The following SHLD2 variants were observed in gnomAD, a reference collection of about 807,000 sequenced individuals.
SHLD2 encodes the protein shieldin complex subunit 2, also known as RINN1-REV7-interacting novel NHEJ regulator 2.
In SHLD2, 30 loss-of-function variants were observed where a neutral mutation model predicts 73.2. The ratio of observed to expected loss-of-function variants is 0.41; its 90% CI spans 0.31 to 0.56. The LOEUF (loss-of-function observed/expected upper bound fraction) is 0.56, where lower values mean the gene tolerates loss of function less well. Ranked by LOEUF, SHLD2 falls within the 20% of genes least tolerant of loss-of-function variation. The pLI is 0.28. For synonymous variants in SHLD2, 285 were observed against 370.1 expected (o/e 0.77, Z 2.64); for missense variants, 745 against 1,055.9 (o/e 0.71, Z 4.08).
rs550800970 is a variant in SHLD2 at position 87,131,659 on chromosome 10, G to A, written c.-5-19691G>A. 3.3e-5 allele frequency among the ~76,000 whole-genome samples: 5 copies of A among 152,174 alleles called. No individual in the cohort carries two copies. The East Asian group carries it at 9.6e-4, about 29-fold the overall frequency. On this transcript the variant is annotated intron_variant, in intron 2 of 9. Transcript: ENST00000298786. ...CTGCTTTTTCTGGCTATTGTAAATA[G>A]TGCTGTTATGAACACTGATGTACAA...
At chr10:87,115,165 T>C (rs1040090410) in intron 2 of SHLD2, among the ~76,000 whole-genome samples, 10 of 152,142 alleles carry the variant, frequency 6.6e-5, no homozygotes, top group Non-Finnish European at 1.2e-4. Flanking sequence ...TTCTCCTACC[T>C]CAGCCTCCAG....
chr10:87,146,331 T>C (rs1845606284), intron 2 of SHLD2, among the ~76,000 whole-genome samples: 1 of 152,102 alleles, frequency 6.6e-6, no homozygotes. Flanking sequence ...TCTCGCTCTG[T>C]TGTCCAGGCT....
At chr10:87,153,700 A>G (rs1846176881) in intron 3 of SHLD2, among the ~76,000 whole-genome samples, 2 of 152,202 alleles carry the variant, frequency 1.3e-5, no homozygotes, top group Admixed American at 1.3e-4. Flanking sequence ...TTTTACATGC[A>G]TATTTCATTA....
At chr10:87,150,705 A>C (rs1845950687) in intron 2 of SHLD2, among the ~76,000 whole-genome samples, 1 of 149,016 alleles carries the variant, frequency 6.7e-6, no homozygotes, top group Admixed American at 6.7e-5. Context: ...CGTTGCAGTG[A>C]GCCTAGATGG....
At chr10:87,140,632 ACT>A (rs1845127525) in intron 2 of SHLD2, among the ~76,000 whole-genome samples, 1 of 151,398 alleles carries the variant, frequency 6.6e-6, no homozygotes, top group East Asian at 1.9e-4. Context: ...GATCCAAGAA[ACT>A]CAGTGAACTC....
At chr10:87,186,202 A>G (rs61202446) in intron 8 of SHLD2, among the ~76,000 whole-genome samples, 15,952 of 152,162 alleles carry the variant, frequency 0.1, 964 homozygotes, top group Admixed American at 0.15. Context: ...ACATAGAGTC[A>G]TCGTGTGAAT....
chr10:87,169,130 G>A (rs1354791698), intron 4 of SHLD2, among the ~76,000 whole-genome samples: 1 of 152,010 alleles, frequency 6.6e-6, no homozygotes, highest in African/African-American at 2.4e-5. Flanking sequence ...TATGAATCAG[G>A]GACAAATATA....
At chr10:87,156,951 C>T (rs919336907) in intron 3 of SHLD2, among the ~76,000 whole-genome samples, 3 of 152,016 alleles carry the variant, frequency 2.0e-5, no homozygotes, top group Non-Finnish European at 4.4e-5. Flanking sequence ...GGACAAGCAC[C>T]TGTTGGGAGG....
chr10:87,117,848 ATTGT>A (rs903988885), intron 2 of SHLD2, among the ~76,000 whole-genome samples: 25 of 152,190 alleles, frequency 1.6e-4, no homozygotes, highest in Admixed American at 9.8e-4. Context: ...GGAATTCTCT[ATTGT>A]TTCGAAGAGT....
intron 4 of SHLD2, among the ~76,000 whole-genome samples, chr10:87,163,645 C>T (rs923350633): frequency 6.7e-6 from 1 of 149,744 alleles, no homozygotes; most frequent in Non-Finnish European, 1.5e-5. Flanking sequence ...TATGTACATA[C>T]TAGAATGAAC....
rs182504160 is a variant in SHLD2, at chr10:87,133,708, A to C, written c.-5-17642A>C. ...GGAAAAAGTATATATGTTAAAGAAT[A>C]ATATGTTGTCTAAGGACAGAATGGA... On this transcript the variant is annotated intron_variant, in intron 2 of 9. Transcript: ENST00000298786. Among the ~76,000 whole-genome samples, 875 of 152,342 alleles carry C rather than the reference A, an allele frequency of 5.7e-3. 6 individuals carry two copies. Among genetic ancestry groups the C allele is most frequent in the African/African-American group, 0.019 (778 of 41,584 alleles).
chr10:87,111,044 A>G (rs1431754878), intron 2 of SHLD2, among the ~76,000 whole-genome samples: 1 of 152,038 alleles, frequency 6.6e-6, no homozygotes, highest in Non-Finnish European at 1.5e-5. Context: ...GGGTTTCACC[A>G]TATTGGCCAG....
Position 87,152,897 on chromosome 10 carries a change from T to C in SHLD2, c.1525+18T>C. 1 of 1,583,766 alleles carries C rather than the reference T, an allele frequency of 6.3e-7. No homozygotes were observed. The highest frequency in any genetic ancestry group is 8.6e-7 in the Non-Finnish European group (1 of 1,169,568). ...ACTCACAGGTGAGGTCATTATGGTATAGTGGTAGCTTATTTTATAAAGCTA... is the reference window on the plus strand; with the variant it reads ...ACTCACAGGTGAGGTCATTATGGTACAGTGGTAGCTTATTTTATAAAGCTA... On this transcript the variant is annotated intron_variant, in intron 3 of 9. Coordinates refer to ENST00000298786, the MANE Select transcript of SHLD2 (RefSeq NM_001330112.2).
chr10:87,131,174 T>C (rs1338056396), intron 2 of SHLD2, among the ~76,000 whole-genome samples: 2 of 151,552 alleles, frequency 1.3e-5, no homozygotes, highest in Non-Finnish European at 2.9e-5. Flanking sequence ...TACCCAGAAC[T>C]TATTTCTAAT....
chr10:87,151,483 C>T lies in SHLD2; in HGVS notation c.129C>T (p.Tyr43=), dbSNP rs778104235. The T allele has an allele frequency of 4.4e-5, 71 of 1,610,672 alleles. No homozygotes were observed. The highest frequency in any genetic ancestry group is 6.7e-5 in the Admixed American group (4 of 59,724). ...CCTGGAAAAAAATTCAGCTTTTATA[C>T]AGTCAACATTCTTTATATCTGAAGG... ...ADPWKKIQLL[Y]SQHSLYLKDE... is the part of the protein sequence containing the mutation. The change falls in exon 3 of 10, where the codon TAC becomes TAT. Residue 43 remains tyrosine, a synonymous_variant. Transcript: ENST00000298786.
intron 2 of SHLD2, among the ~76,000 whole-genome samples, chr10:87,126,341 A>C (rs1410038335): frequency 1.3e-5 from 2 of 152,176 alleles, no homozygotes; most frequent in Non-Finnish European, 2.9e-5. Flanking sequence ...TGGCCTCCCA[A>C]AGTGCTGGGA....
At chr10:87,102,258 T>A (rs1362200188) in intron 2 of SHLD2, among the ~76,000 whole-genome samples, 2 of 152,184 alleles carry the variant, frequency 1.3e-5, no homozygotes, top group Non-Finnish European at 2.9e-5. Context: ...CTTTACCTAT[T>A]TATGTATAAG....
chr10:87,158,655 A>G (rs987138847), intron 4 of SHLD2, among the ~76,000 whole-genome samples: 1 of 152,156 alleles, frequency 6.6e-6, no homozygotes, highest in Non-Finnish European at 1.5e-5. Flanking sequence ...AAGAAAAGCT[A>G]TCTTTCTTCT....
chr10:87,152,506 TA>T lies in SHLD2; in HGVS notation c.1155del (p.Val386TrpfsTer13). 1 of 1,611,774 alleles carries T rather than the reference TA, an allele frequency of 6.2e-7. No homozygotes were observed. The highest frequency in any genetic ancestry group is 2.2e-5 in the East Asian group (1 of 44,864). On this transcript the variant is annotated frameshift_variant, in exon 3 of 10. Coordinates refer to ENST00000298786, the MANE Select transcript of SHLD2 (RefSeq NM_001330112.2). LOFTEE classifies it high-confidence loss of function. ...AIKRSCTSEDKVGQSEALSRV... is the reference protein window; with the variant it reads ...AIKRSCTSEDXVGQSEALSRV... ...TTAAAAGAAGCTGTACCTCTGAAGA[TA>T]AAGTGGGCCAGTCTGAAGCTCTATC...
Sources: gnomAD v4.1 joint callset for allele counts (sites outside exome capture counted in the v4.1 genomes callset) on GRCh38, gnomAD v4.1.1 for gene constraint, MANE v1.5 for transcripts, NCBI Gene and HGNC (gene_info 2026-07-23, HGNC 2026-07-21) for gene names.